UAP1: variants seen among roughly 807,000 people sequenced by gnomAD.
UAP1 encodes the protein UDP-N-acetylhexosamine pyrophosphorylase.
UAP1 carries 25 observed loss-of-function variants against 58.5 expected under a neutral mutation model. That is an observed-to-expected ratio of 0.43 (90% CI 0.31 to 0.60). UAP1 has a LOEUF of 0.60. Ranked by LOEUF, UAP1 falls within the 20% of genes least tolerant of loss-of-function variation. UAP1 has a pLI of 0.11. For missense variants in UAP1, 575 were observed against 630.0 expected (o/e 0.91, Z 0.93); for synonymous variants, 208 against 213.0 (o/e 0.98, Z 0.21).
At chr1:162,582,569 A>G (rs1352528213) in intron 5 of UAP1, among the ~76,000 whole-genome samples, 1 of 152,244 alleles carries the variant, frequency 6.6e-6, no homozygotes, top group Non-Finnish European at 1.5e-5. Flanking sequence ...GTCAAAGCTC[A>G]TACAAATATC....
At chr1:162,601,096 A>G (rs922169890), downstream of UAP1, among the ~76,000 whole-genome samples, 1 of 152,226 alleles carries the variant, frequency 6.6e-6, no homozygotes, top group Non-Finnish European at 1.5e-5. Context: ...GCAAACTCTG[A>G]GAGCCTCTGA....
intron 3 of UAP1, 89 bp downstream of exon 3, chr1:162,577,070 A>G: frequency 1.6e-6 from 2 of 1,240,224 alleles, no homozygotes; most frequent in Middle Eastern, 2.6e-4. Context: ...ACTCACAGAC[A>G]TATTTCTTGT....
intron 6 of UAP1, 72 bp from the exon 7 acceptor site, chr1:162,588,621 C>A: frequency 6.6e-7 from 1 of 1,523,476 alleles, no homozygotes; most frequent in Non-Finnish European, 8.9e-7. Context: ...ACATTTGCTC[C>A]TGAATGTTGT....
chr1:162,600,266 T>C (rs1333205894), downstream of UAP1, among the ~76,000 whole-genome samples: 2 of 152,196 alleles, frequency 1.3e-5, no homozygotes, highest in Admixed American at 6.5e-5. Context: ...CCCAAATATT[T>C]GGTGGCACTT....
chr1:162,584,174 T>C (rs1654773970), intron 5 of UAP1, among the ~76,000 whole-genome samples: 1 of 152,236 alleles, frequency 6.6e-6, no homozygotes, highest in South Asian at 2.1e-4. Context: ...CTCCATTACC[T>C]GTGGGCTCTG....
chr1:162,564,038 G>A lies in UAP1; in HGVS notation c.-57-1974G>A, dbSNP rs74329709. Among the ~76,000 whole-genome samples, 382 of 152,282 alleles carry A rather than the reference G, an allele frequency of 2.5e-3. 5 individuals carry two copies. In the East Asian group the frequency reaches 0.048, roughly 19 times the overall value. ...GCAGCATAAATAAGGTCTTGGGAAA[G>A]ACTACATTCCTTGGAAAATAATTTA... On this transcript the variant is annotated intron_variant, in intron 1 of 10. Transcript: ENST00000271469.
intron 2 of UAP1, among the ~76,000 whole-genome samples, chr1:162,569,251 T>C (rs79867118): frequency 6.6e-6 from 1 of 152,316 alleles, no homozygotes; most frequent in African/African-American, 2.4e-5. Context: ...GGACAGTTTT[T>C]ACTTCCCCAC....
rs12066429 is a variant in UAP1, at chr1:162,566,390, A to T, written c.280+42A>T. Reference sequence around the variant, plus strand: ...TATTTCTTACTGAAGTTTATTTGAGATATACTAAAATTGTTCAGGTAGCTG... The same window carrying T: ...TATTTCTTACTGAAGTTTATTTGAGTTATACTAAAATTGTTCAGGTAGCTG... On this transcript the variant is annotated intron_variant, in intron 2 of 10. Coordinates refer to ENST00000271469, the Ensembl canonical transcript of UAP1. 6,027 of 1,560,400 alleles carry T rather than the reference A, an allele frequency of 3.9e-3. 207 individuals carry two copies. In the African/African-American group the frequency reaches 0.073, roughly 19 times the overall value.
chr1:162,572,760 A>G (rs946934576), intron 2 of UAP1, among the ~76,000 whole-genome samples: 3 of 152,188 alleles, frequency 2.0e-5, no homozygotes, highest in Non-Finnish European at 4.4e-5. Flanking sequence ...ATGGTACAAA[A>G]CCTGACCTGA....
chr1:162,563,661 C>G (rs74116761), intron 1 of UAP1, among the ~76,000 whole-genome samples: 2,527 of 152,294 alleles, frequency 0.017, 68 homozygotes, highest in African/African-American at 0.058. Flanking sequence ...CCGCGCCCGG[C>G]CCTATGAGGT....
intron 5 of UAP1, among the ~76,000 whole-genome samples, chr1:162,586,672 A>G (rs1010825950): frequency 2.6e-5 from 4 of 152,006 alleles, no homozygotes; most frequent in African/African-American, 9.7e-5. Flanking sequence ...GATGTGTGGG[A>G]TTAGTGTGGT....
Position 162,599,422 on chromosome 1 carries a change from C to T in UAP1, c.*59C>T. 3.6e-6 allele frequency: 4 copies of T among 1,102,204 alleles called. No individual in the cohort carries two copies. In the South Asian group the frequency reaches 4.0e-5, roughly 11 times the overall value. 68.3% of individuals were successfully genotyped at this position (1,102,204 alleles called of 1,614,324 possible). The stretch of plus-strand genomic sequence containing the variant: ...ATAGCTTTTATTTTTGATAGACCAA[C>T]TGTGAACCTACAAGACGTCTTGGAC... On this transcript the variant is annotated 3_prime_UTR_variant, in exon 11 of 11. Transcript: ENST00000271469.
At chr1:162,589,191 AT>A (rs1557977585) in intron 7 of UAP1, among the ~76,000 whole-genome samples, 1 of 68,142 alleles carries the variant, frequency 1.5e-5, no homozygotes, top group African/African-American at 4.9e-5. Context: ...TATAATATAT[AT>A]TATATATTAT....
chr1:162,600,426 G>T (rs769291541), downstream of UAP1, among the ~76,000 whole-genome samples: 3 of 151,984 alleles, frequency 2.0e-5, no homozygotes, highest in Non-Finnish European at 4.4e-5. Flanking sequence ...CATTAGTAAG[G>T]GTTCTCTGTG....
intron 3 of UAP1, among the ~76,000 whole-genome samples, chr1:162,577,434 C>CTTTTTTTTTTTTT (rs1557970274): frequency 2.9e-5 from 4 of 138,226 alleles, no homozygotes; most frequent in African/African-American, 1.1e-4. Context: ...TAGTTCCTTC[C>CTTTTTTTTTTTTT]CTTTTTTTTT....
chr1:162,575,167 C>G (rs1029171890), intron 2 of UAP1, among the ~76,000 whole-genome samples: 3 of 151,954 alleles, frequency 2.0e-5, no homozygotes, highest in Non-Finnish European at 4.4e-5. Flanking sequence ...CTCCCAGGTT[C>G]AAGTGATTCT....
rs10158544 is a variant in UAP1, at chr1:162,577,435, C to T, written c.485+454C>T. Among the ~76,000 whole-genome samples, 829 of 95,272 alleles carry T rather than the reference C, an allele frequency of 8.7e-3. 12 individuals carry two copies. The highest frequency in any genetic ancestry group is 0.037 in the African/African-American group (776 of 21,066). The allele number at this position is 95,272 out of a possible 152,430, so 62.5% of individuals were successfully genotyped here. On this transcript the variant is annotated intron_variant, in intron 3 of 10. Transcript: ENST00000271469. ...ACCTTGGTCAGTGTTAGTTCCTTCC[C>T]TTTTTTTTTTTTTTTTTTTTTTTTT... is the stretch of plus-strand genomic sequence containing the variant.
chr1:162,587,964 A>C (rs2101813534), intron 6 of UAP1: 1 of 245,420 alleles, frequency 4.1e-6, no homozygotes, highest in Admixed American at 5.2e-5. Context: ...AGCATAAGAA[A>C]TGAAACTTTC....
At chr1:162,567,193 A>G (rs1376595088) in intron 2 of UAP1, among the ~76,000 whole-genome samples, 1 of 152,206 alleles carries the variant, frequency 6.6e-6, no homozygotes, top group African/African-American at 2.4e-5. Context: ...TTTACCACAC[A>G]TAATATTTTA....
Sources: gnomAD v4.1 joint callset for allele counts (sites outside exome capture counted in the v4.1 genomes callset) on GRCh38, gnomAD v4.1.1 for gene constraint, MANE v1.5 for transcripts, NCBI Gene and HGNC (gene_info 2026-07-23, HGNC 2026-07-21) for gene names.